NCOR2: variants seen among roughly 807,000 people sequenced by gnomAD.
NCOR2 encodes the protein nuclear receptor corepressor 2.
NCOR2 carries 81 observed loss-of-function variants against 262.9 expected under a neutral mutation model. The observed-to-expected ratio is 0.31, with a 90% CI of 0.26 to 0.37. The LOEUF (loss-of-function observed/expected upper bound fraction) is 0.37. Among genes scored for constraint, NCOR2 ranks in the 10% least tolerant of loss-of-function variants. The pLI is 1.00. For synonymous variants in NCOR2, 1,659 were observed against 1,559.3 expected (o/e 1.06, Z -1.51); for missense variants, 3,385 against 3,621.4 (o/e 0.93, Z 1.68).
Position 124,389,628 on chromosome 12 carries a change from G to A in NCOR2, c.1877-3741C>T, listed in dbSNP as rs577923120. On this transcript the variant is annotated intron_variant, in intron 16 of 46. Transcript: ENST00000405201. This position sits in a 1 kb window ranked among gnomAD's most constrained non-coding sequence, Gnocchi z 4.4. ...GCCCCCTGCCTGGCCTGATGCTGCC[G>A]AGGCTGACCGAGCCCTCTGTCGGGG... is the stretch of plus-strand genomic sequence containing the variant. Among the ~76,000 whole-genome samples the A allele has an allele frequency of 1.3e-4, 19 of 151,560 alleles. No homozygotes were observed. The highest frequency in any genetic ancestry group is 3.6e-4 in the African/African-American group (15 of 41,344).
chr12:124,465,118 AT>A (rs1161913062), intron 5 of NCOR2, among the ~76,000 whole-genome samples: 1 of 150,512 alleles, frequency 6.6e-6, no homozygotes, highest in African/African-American at 2.4e-5. Flanking sequence ...CTGAGCACTG[AT>A]TGGCCAAGGA....
At position 124,445,197 on chromosome 12, in the gene NCOR2, C is replaced by T. The variant is rs368398778; in HGVS notation, c.815+4618G>A. Among the ~76,000 whole-genome samples the T allele has an allele frequency of 1.5e-4, 23 of 152,326 alleles. No homozygotes were observed. In the East Asian group the frequency reaches 4.1e-3, roughly 27 times the overall value. ...CAGAATGTGCCTGAGCGCCATCTGC[C>T]GCTCATCCCCAGGTCCCACGCACTT... On this transcript the variant is annotated intron_variant, in intron 7 of 46. Coordinates refer to ENST00000405201, the Ensembl canonical transcript of NCOR2.
Position 124,378,141 on chromosome 12 carries a change from G to T in NCOR2, c.2167+96C>A. 1 of 1,535,648 alleles carries T rather than the reference G, an allele frequency of 6.5e-7. No individual in the cohort carries two copies. On this transcript the variant is annotated intron_variant, in intron 18 of 46. Coordinates refer to ENST00000405201, the Ensembl canonical transcript of NCOR2. This position sits in a 1 kb window ranked among gnomAD's most constrained non-coding sequence, Gnocchi z 4.2. The stretch of plus-strand genomic sequence containing the variant: ...TTCTAAGGAGGACCCAGATGACTCA[G>T]GGGAGAGGAGGCTGCCGGGATCAGT...
rs147092048 is a variant in NCOR2 at position 124,384,549 on chromosome 12, G to A, written c.2019+1196C>T. On this transcript the variant is annotated intron_variant, in intron 17 of 46. Coordinates refer to ENST00000405201, the Ensembl canonical transcript of NCOR2. ...CTCGGTCCCGGAGCCACCAGCGGCCGCGCGCACACATGACTCACTAAGAAC... is the reference window on the plus strand; with the variant it reads ...CTCGGTCCCGGAGCCACCAGCGGCCACGCGCACACATGACTCACTAAGAAC... Among the ~76,000 whole-genome samples the A allele has an allele frequency of 4.0e-4, 61 of 152,284 alleles. 2 individuals carry two copies. In the East Asian group the frequency reaches 0.011, roughly 28 times the overall value.
At chr12:124,502,852 C>G (rs112478330) in intron 1 of NCOR2, among the ~76,000 whole-genome samples, 2,238 of 152,254 alleles carry the variant, frequency 0.015, 19 homozygotes, top group Non-Finnish European at 0.023. Context: ...GGTAAAAGGG[C>G]CCCTGTAACC....
chr12:124,501,300 A>G (rs905126135), intron 1 of NCOR2, among the ~76,000 whole-genome samples: 2 of 151,806 alleles, frequency 1.3e-5, no homozygotes, highest in Non-Finnish European at 1.5e-5. Flanking sequence ...TGTTCCACTC[A>G]CTGTGGAATA....
Position 124,429,674 on chromosome 12 carries a change from A to G in NCOR2, c.1088T>C (p.Met363Thr), listed in dbSNP as rs374997895. The change falls in exon 10 of 47, where the codon ATG becomes ACG. Residue 363 changes from methionine to threonine, a missense_variant. Met to Thr is a moderately conservative substitution (Grantham distance 81, BLOSUM62 -1). Transcript: ENST00000405201. ...CTCGTGCTCGCTGCGGGCGGCCGAC[A>G]TGGACAGCCCACTGCCCCGCTGGCC... 3.1e-6 allele frequency: 5 copies of G among 1,609,168 alleles called. No individual in the cohort carries two copies. Among genetic ancestry groups the G allele is most frequent in the Non-Finnish European group, 4.2e-6 (5 of 1,178,030 alleles).
rs1165819692 is a variant in NCOR2 at position 124,454,603 on chromosome 12, G to C, written c.762+2503C>G. 6.6e-6 allele frequency among the ~76,000 whole-genome samples: 1 copy of C among 152,186 alleles called. No homozygotes were observed. Among genetic ancestry groups the C allele is most frequent in the Non-Finnish European group, 1.5e-5 (1 of 68,042 alleles). On this transcript the variant is annotated intron_variant, in intron 6 of 46. Transcript: ENST00000405201. The surrounding 1 kb of genome is among the most constrained non-coding windows in gnomAD (Gnocchi z 5.6). ...CAGGAAACGGGAGCGGGAGGACCCG[G>C]AAATCTGGAAATGCTTGGGAACTTC...
intron 19 of NCOR2, among the ~76,000 whole-genome samples, chr12:124,373,999 A>C (rs1368275214): frequency 6.6e-6 from 1 of 152,010 alleles, no homozygotes; most frequent in Admixed American, 6.5e-5. Flanking sequence ...GGATGAAAGC[A>C]CGCACCCAAG....
chr12:124,367,932 C>A (rs898268500), intron 20 of NCOR2, among the ~76,000 whole-genome samples: 4 of 152,238 alleles, frequency 2.6e-5, no homozygotes, highest in African/African-American at 9.6e-5. Context: ...CCGCGACCGG[C>A]CTCTCTCCTT....
At chr12:124,394,740 G>A (rs1211262452) in intron 16 of NCOR2, among the ~76,000 whole-genome samples, 4 of 152,194 alleles carry the variant, frequency 2.6e-5, no homozygotes, top group Non-Finnish European at 5.9e-5. Context: ...GCAGCCTCTT[G>A]GATGCCTTCA....
At chr12:124,476,606 A>C (rs2047110816) in intron 3 of NCOR2, among the ~76,000 whole-genome samples, 1 of 152,228 alleles carries the variant, frequency 6.6e-6, no homozygotes, top group African/African-American at 2.4e-5. Context: ...CCAGGAGTAA[A>C]AGCAGCGGCT....
intron 13 of NCOR2, among the ~76,000 whole-genome samples, chr12:124,409,654 T>C (rs1056733422): frequency 1.3e-4 from 19 of 151,990 alleles, no homozygotes; most frequent in African/African-American, 4.6e-4. Context: ...AAGTTCCCCA[T>C]GGGTGTCAGC....
chr12:124,350,876 G>C, intron 27 of NCOR2, 139 bp from the exon 30 acceptor site: 2 of 903,040 alleles, frequency 2.2e-6, no homozygotes, highest in Middle Eastern at 6.8e-4. Context: ...TCTCAAATAG[G>C]TAAGAGTTTG....
intron 22 of NCOR2, among the ~76,000 whole-genome samples, chr12:124,361,889 G>GA (rs2038616602): frequency 6.6e-6 from 1 of 152,276 alleles, no homozygotes; most frequent in African/African-American, 2.4e-5. Context: ...TTGCCACGGG[G>GA]TGACTCTTGG....
exon 40 of NCOR2, chr12:124,335,196 A>T (rs1566356545): frequency 6.2e-7 from 1 of 1,611,286 alleles, no homozygotes; most frequent in Non-Finnish European, 8.5e-7. Context: ...GGCGGTCTGG[A>T]GCAGCGGGCT....
At chr12:124,550,459 T>C (rs2051679613) in intron 1 of NCOR2, among the ~76,000 whole-genome samples, 1 of 151,908 alleles carries the variant, frequency 6.6e-6, no homozygotes, top group Non-Finnish European at 1.5e-5. Flanking sequence ...CCACAATCTG[T>C]ATATCTCATA....
At chr12:124,446,029 G>A (rs1427171055) in intron 7 of NCOR2, among the ~76,000 whole-genome samples, 1 of 152,234 alleles carries the variant, frequency 6.6e-6, no homozygotes, top group African/African-American at 2.4e-5. Context: ...CACATGGTGG[G>A]ACGGGGCCTG....
At position 124,531,692 on chromosome 12, in the gene NCOR2, C is replaced by A. The variant is rs980916640; in HGVS notation, c.-118+3873G>T. ...CCCACCCAAGCAGGGCCCAGGGCCCCGTCCAACTGGGGTTAAAGCCGGTCC... is the reference window on the plus strand; with the variant it reads ...CCCACCCAAGCAGGGCCCAGGGCCCAGTCCAACTGGGGTTAAAGCCGGTCC... On this transcript the variant is annotated intron_variant, in intron 1 of 46. Transcript: ENST00000404621. This position sits in a 1 kb window ranked among gnomAD's most constrained non-coding sequence, Gnocchi z 4.5. 6.6e-6 allele frequency among the ~76,000 whole-genome samples: 1 copy of A among 152,060 alleles called. No individual in the cohort carries two copies. The highest frequency in any genetic ancestry group is 1.5e-5 in the Non-Finnish European group (1 of 67,960).
Sources: allele counts gnomAD v4.1 joint callset (sites outside exome capture counted in the v4.1 genomes callset), GRCh38; gene constraint gnomAD v4.1.1; non-coding constraint Gnocchi (gnomAD v3.1); transcripts MANE v1.5; gene names NCBI Gene and HGNC (gene_info 2026-07-23, HGNC 2026-07-21).